Variants in YIPF4 observed in about 807,000 individuals in gnomAD.
YIPF4 encodes the protein protein YIPF4.
Under a neutral mutation model 29.4 loss-of-function variants are expected in YIPF4, and 18 were observed. The ratio of observed to expected loss-of-function variants is 0.61; its 90% CI spans 0.42 to 0.91. The LOEUF (loss-of-function observed/expected upper bound fraction) is 0.91, where lower values mean the gene tolerates loss of function less well. Among genes scored for constraint, YIPF4 ranks in the 40% least tolerant of loss-of-function variants. YIPF4 has a pLI of 0.00. For missense variants in YIPF4, 279 were observed against 282.7 expected (o/e 0.99, Z 0.09); for synonymous variants, 115 against 104.7 (o/e 1.10, Z -0.60).
chr2:32,284,292 A>G (rs775696076), intron 1 of YIPF4, among the ~76,000 whole-genome samples: 7 of 152,202 alleles, frequency 4.6e-5, no homozygotes, highest in Non-Finnish European at 1.0e-4. Flanking sequence ...CTGTGAAAGG[A>G]ACTTACATAG....
chr2:32,298,162 A>G (rs2031264792), intron 3 of YIPF4, 72 bp from the exon 4 acceptor site: 2 of 1,197,804 alleles, frequency 1.7e-6, no homozygotes, highest in Non-Finnish European at 1.2e-6. Flanking sequence ...TTTATGGCAG[A>G]GAATCGAGTT....
At position 32,306,699 on chromosome 2, in the gene YIPF4, G is replaced by A. The variant is rs1009097226; in HGVS notation, c.*1073G>A. ...AATTTTTATCAGTGAAATATTTGTTGCAAATAATTTCATAGGTTTTTAGAT... is the reference window on the plus strand; with the variant it reads ...AATTTTTATCAGTGAAATATTTGTTACAAATAATTTCATAGGTTTTTAGAT... On this transcript the variant is annotated 3_prime_UTR_variant, in exon 6 of 6. Transcript: ENST00000238831. 7.1e-5 allele frequency: 50 copies of A among 706,036 alleles called. No homozygotes were observed. Among genetic ancestry groups the A allele is most frequent in the Non-Finnish European group, 7.0e-5 (40 of 575,270 alleles). 43.7% of individuals were successfully genotyped at this position (706,036 alleles called of 1,614,324 possible).
chr2:32,289,470 C>G (rs950335423), intron 1 of YIPF4, among the ~76,000 whole-genome samples: 3 of 152,210 alleles, frequency 2.0e-5, no homozygotes, highest in Non-Finnish European at 4.4e-5. Context: ...AGAGAGGTAT[C>G]TATCTGTGTT....
chr2:32,288,048 G>A (rs2030751654), intron 1 of YIPF4, among the ~76,000 whole-genome samples: 1 of 152,046 alleles, frequency 6.6e-6, no homozygotes. Context: ...ATTTTTAATT[G>A]TTTTTCTTGC....
chr2:32,306,692 A>T lies in YIPF4; in HGVS notation c.*1066A>T, dbSNP rs1368643615. ...ATTAAGAAATTTTTATCAGTGAAAT[A>T]TTTGTTGCAAATAATTTCATAGGTT... On this transcript the variant is annotated 3_prime_UTR_variant, in exon 6 of 6. Coordinates refer to ENST00000238831, the MANE Select transcript of YIPF4 (RefSeq NM_032312.4). 1.3e-6 allele frequency: 1 copy of T among 744,480 alleles called. No individual in the cohort carries two copies. The highest frequency in any genetic ancestry group is 1.9e-5 in the African/African-American group (1 of 52,234). The allele number at this position is 744,480 out of a possible 1,614,324, so 46.1% of individuals were successfully genotyped here. A position where few individuals can be genotyped will look rare whatever the true frequency, so the allele number is the denominator to read the frequency against.
chr2:32,287,871 A>G (rs1056211338), intron 1 of YIPF4, among the ~76,000 whole-genome samples: 4 of 152,166 alleles, frequency 2.6e-5, no homozygotes, highest in Admixed American at 1.3e-4. Flanking sequence ...ATTATCCTTT[A>G]CATTGTTTTT....
chr2:32,286,207 G>A (rs944118635), intron 1 of YIPF4, among the ~76,000 whole-genome samples: 3 of 152,158 alleles, frequency 2.0e-5, no homozygotes, highest in Non-Finnish European at 4.4e-5. Flanking sequence ...TCAAACTGGT[G>A]AAATCTGAAT....
chr2:32,305,427 T>C, intron 5 of YIPF4, 62 bp from the exon 6 acceptor site: 1 of 1,409,402 alleles, frequency 7.1e-7, no homozygotes, highest in Admixed American at 2.7e-5. Context: ...TACTCTATGA[T>C]ATCCAAAAAG....
At chr2:32,294,913 A>G (rs988120629) in intron 3 of YIPF4, among the ~76,000 whole-genome samples, 2 of 152,280 alleles carry the variant, frequency 1.3e-5, no homozygotes, top group Admixed American at 1.3e-4. Context: ...AAAAAAATAC[A>G]AAAACCAGTC....
rs1270171875 is a variant in YIPF4 at position 32,316,103 on chromosome 2, G to A, written c.*10477G>A. The A allele has an allele frequency of 6.8e-6, 1 of 147,814 alleles. No homozygotes were observed. Among genetic ancestry groups the A allele is most frequent in the African/African-American group, 2.5e-5 (1 of 40,014 alleles). 9.2% of individuals were successfully genotyped at this position (147,814 alleles called of 1,614,324 possible). A position where few individuals can be genotyped will look rare whatever the true frequency, so the allele number is the denominator to read the frequency against. ...AGGAAAAGTGATGAAGACACTTGAA[G>A]ACCTGTCATTTAAAATGATTCTACA... On this transcript the variant is annotated 3_prime_UTR_variant, in exon 6 of 6. Coordinates refer to ENST00000238831, the MANE Select transcript of YIPF4 (RefSeq NM_032312.4).
intron 5 of YIPF4, among the ~76,000 whole-genome samples, chr2:32,304,207 A>G (rs2031499482): frequency 6.6e-6 from 1 of 152,130 alleles, no homozygotes; most frequent in African/African-American, 2.4e-5. Flanking sequence ...GAGAAATATG[A>G]TGCGAAACTA....
In YIPF4 at chr2:32,309,220, C is replaced by G. The variant is rs557375919; in HGVS notation, c.*3594C>G. On this transcript the variant is annotated 3_prime_UTR_variant, in exon 6 of 6. Coordinates refer to ENST00000238831, the MANE Select transcript of YIPF4 (RefSeq NM_032312.4). ...AATACTCATACAGCCATTGAGCACC[C>G]CAATCCAAAATTCAGAATGCTTCAG... 4 of 152,178 alleles carry G rather than the reference C, an allele frequency of 2.6e-5. No individual in the cohort carries two copies. In the East Asian group the frequency reaches 5.8e-4, roughly 22 times the overall value. The allele number at this position is 152,178 out of a possible 1,614,324, so 9.4% of individuals were successfully genotyped here. A position where few individuals can be genotyped will look rare whatever the true frequency, so the allele number is the denominator to read the frequency against.
Position 32,305,701 on chromosome 2 carries a change from G to T in YIPF4, c.*75G>T. 7.5e-7 allele frequency: 1 copy of T among 1,331,030 alleles called. No homozygotes were observed. The highest frequency in any genetic ancestry group is 2.8e-5 in the East Asian group (1 of 36,354). The allele number at this position is 1,331,030 out of a possible 1,614,324, so 82.5% of individuals were successfully genotyped here. A position where few individuals can be genotyped will look rare whatever the true frequency, so the allele number is the denominator to read the frequency against. ...CTGGGAATTCTTGCTGAAGGAATTG[G>T]AGAAAACCTGTTGCTGCAAAATTTT... On this transcript the variant is annotated 3_prime_UTR_variant, in exon 6 of 6. Transcript: ENST00000238831.
In YIPF4 at chr2:32,306,448, A is replaced by C. The variant is rs2148968729; in HGVS notation, c.*822A>C. 1.0e-6 allele frequency: 1 copy of C among 982,274 alleles called. No individual in the cohort carries two copies. Among genetic ancestry groups the C allele is most frequent in the East Asian group, 1.1e-4 (1 of 8,814 alleles). The allele number at this position is 982,274 out of a possible 1,614,324, so 60.8% of individuals were successfully genotyped here. A position where few individuals can be genotyped will look rare whatever the true frequency, so the allele number is the denominator to read the frequency against. ...TATGTACAAAAACAGTAATATTTAC[A>C]GCATCAGTAAATATTTTTAAGTGGT... On this transcript the variant is annotated 3_prime_UTR_variant, in exon 6 of 6. Transcript: ENST00000238831.
chr2:32,285,821 A>C (rs1226702387), intron 1 of YIPF4, among the ~76,000 whole-genome samples: 4 of 151,964 alleles, frequency 2.6e-5, no homozygotes, highest in Non-Finnish European at 5.9e-5. Flanking sequence ...GCACCCGGCT[A>C]ATTTTTGTAT....
intron 5 of YIPF4, among the ~76,000 whole-genome samples, chr2:32,304,841 T>G (rs1405074293): frequency 6.6e-6 from 1 of 152,208 alleles, no homozygotes; most frequent in East Asian, 1.9e-4. Flanking sequence ...TAGAAATAAT[T>G]TAAAAGTATG....
intron 1 of YIPF4, among the ~76,000 whole-genome samples, chr2:32,283,566 C>G (rs2030528053): frequency 6.6e-6 from 1 of 152,156 alleles, no homozygotes; most frequent in Non-Finnish European, 1.5e-5. Context: ...AACTCAAATG[C>G]TCTTTCCTTG....
At chr2:32,302,540 T>A (rs991151661) in intron 5 of YIPF4, among the ~76,000 whole-genome samples, 1 of 152,150 alleles carries the variant, frequency 6.6e-6, no homozygotes, top group Admixed American at 6.5e-5. Flanking sequence ...GATCAGGACT[T>A]CTTTGTGTTA....
intron 3 of YIPF4, among the ~76,000 whole-genome samples, chr2:32,293,295 AACG>A (rs2031002167): frequency 6.6e-6 from 1 of 152,106 alleles, no homozygotes. Context: ...GATGACTCTT[AACG>A]AGCATGCTGC....
Sources: gnomAD v4.1 joint callset for allele counts (sites outside exome capture counted in the v4.1 genomes callset) on GRCh38, gnomAD v4.1.1 for gene constraint, MANE v1.5 for transcripts, NCBI Gene and HGNC (gene_info 2026-07-23, HGNC 2026-07-21) for gene names.